Variants in TMEM132D observed in about 807,000 individuals in gnomAD.
The protein encoded by TMEM132D is mature OL transmembrane protein.
A neutral mutation model predicts 62.3 loss-of-function variants in TMEM132D; 21 were observed. That is an observed-to-expected ratio of 0.34 (90% CI 0.24 to 0.49). The LOEUF (loss-of-function observed/expected upper bound fraction) is 0.49. Among genes scored for constraint, TMEM132D ranks in the 20% least tolerant of loss-of-function variants. The probability of loss-of-function intolerance (pLI) is 0.99; values close to 1 mark genes in which losing one functional copy is unlikely to be tolerated. For synonymous variants in TMEM132D, 621 were observed against 575.6 expected (o/e 1.08, Z -1.13); for missense variants, 1,346 against 1,402.8 (o/e 0.96, Z 0.65).
In TMEM132D at chr12:129,417,632, T is replaced by C. The variant is rs185006029; in HGVS notation, c.1116-79815A>G. On this transcript the variant is annotated intron_variant, in intron 3 of 8. Coordinates refer to ENST00000422113, the MANE Select transcript of TMEM132D (RefSeq NM_133448.3). ...AACCTAGGCAATACCATTCAGGACA[T>C]AGGCATGGGCAAAGACTTAACTACT... Among the ~76,000 whole-genome samples the C allele has an allele frequency of 4.3e-4, 65 of 152,242 alleles. No individual in the cohort carries two copies. In the Middle Eastern group the frequency reaches 0.01, roughly 24 times the overall value.
chr12:129,755,391 T>C (rs1416814364), intron 1 of TMEM132D, among the ~76,000 whole-genome samples: 1 of 152,180 alleles, frequency 6.6e-6, no homozygotes, highest in Non-Finnish European at 1.5e-5. Flanking sequence ...TCGAGTAGTA[T>C]GCTTTGACAC....
intron 5 of TMEM132D, among the ~76,000 whole-genome samples, chr12:129,167,767 G>T (rs1349004973): frequency 3.3e-5 from 5 of 151,804 alleles, no homozygotes; most frequent in African/African-American, 1.2e-4. Context: ...ATGGCAGTTT[G>T]CCCAATTGGG....
chr12:129,746,093 G>T (rs1295445868), intron 1 of TMEM132D, among the ~76,000 whole-genome samples: 1 of 152,192 alleles, frequency 6.6e-6, no homozygotes, highest in East Asian at 1.9e-4. Context: ...AAAAGCCAAT[G>T]AATCCACTTT....
In TMEM132D at chr12:129,884,678, T is replaced by C. The variant is rs115422348; in HGVS notation, c.79+18583A>G. On this transcript the variant is annotated intron_variant, in intron 1 of 8. Transcript: ENST00000422113. ...ACACATTGCTGGCAGAAATGCCAAA[T>C]GGTTCAACCATTTTGCAAAATAGTT... 2.1e-3 allele frequency among the ~76,000 whole-genome samples: 314 copies of C among 152,370 alleles called. 2 individuals are homozygous for C. The highest frequency in any genetic ancestry group is 7.1e-3 in the African/African-American group (295 of 41,594).
chr12:129,358,382 G>C (rs1870141378), intron 3 of TMEM132D, among the ~76,000 whole-genome samples: 1 of 152,146 alleles, frequency 6.6e-6, no homozygotes, highest in Non-Finnish European at 1.5e-5. Context: ...AAGATCAGGT[G>C]GTGGCCTGGG....
chr12:129,456,455 C>T (rs1873470349), intron 3 of TMEM132D, among the ~76,000 whole-genome samples: 2 of 152,260 alleles, frequency 1.3e-5, no homozygotes, highest in South Asian at 2.1e-4. Context: ...CATTGACCAA[C>T]CCAAATATCT....
intron 3 of TMEM132D, among the ~76,000 whole-genome samples, chr12:129,476,573 C>T (rs922437793): frequency 2.0e-5 from 3 of 152,154 alleles, no homozygotes; most frequent in Non-Finnish European, 4.4e-5. Context: ...GGGATGGCCC[C>T]TAATGCCCAA....
At chr12:129,683,118 A>G (rs1880825523) in intron 2 of TMEM132D, 1 of 151,670 alleles carries the variant, frequency 6.6e-6, no homozygotes, top group African/African-American at 2.4e-5. Flanking sequence ...TAGCTCAGTC[A>G]CTTTAGTGCT....
At chr12:129,739,435 C>A (rs536085780) in intron 1 of TMEM132D, among the ~76,000 whole-genome samples, 1 of 152,268 alleles carries the variant, frequency 6.6e-6, no homozygotes, top group South Asian at 2.1e-4. Context: ...CCAGGCAAGA[C>A]AAGAACAGAT....
At chr12:129,685,610 CCA>C (rs1204188805) in intron 2 of TMEM132D, among the ~76,000 whole-genome samples, 1 of 152,304 alleles carries the variant, frequency 6.6e-6, no homozygotes, top group Non-Finnish European at 1.5e-5. Flanking sequence ...GTTGAAGCCC[CCA>C]CACAGAGTCC....
chr12:129,137,165 ACCAT>A lies in TMEM132D; in HGVS notation c.1444-52467_1444-52464del, dbSNP rs932645432. On this transcript the variant is annotated intron_variant, in intron 5 of 8. Coordinates refer to ENST00000422113, the MANE Select transcript of TMEM132D (RefSeq NM_133448.3). ...TATCATTGTCATCACTATCACAATC[ACCAT>A]CATCATCACCACCATCATCACAATC... 6.6e-5 allele frequency among the ~76,000 whole-genome samples: 10 copies of A among 151,834 alleles called. No homozygotes were observed. The East Asian group carries it at 2.0e-3, about 30-fold the overall frequency.
chr12:129,873,741 GTTT>G (rs1874328257), intron 1 of TMEM132D, among the ~76,000 whole-genome samples: 1 of 151,712 alleles, frequency 6.6e-6, no homozygotes, highest in Non-Finnish European at 1.5e-5. Context: ...TATGCCCTTT[GTTT>G]TCATTTTTCA....
intron 1 of TMEM132D, among the ~76,000 whole-genome samples, chr12:129,873,741 GTTTTCAT>G (rs3046913): frequency 0.9 from 137,057 of 151,786 alleles, 63,470 homozygotes; most frequent in East Asian, 1. Context: ...TATGCCCTTT[GTTTTCAT>G]TTTTCATTTT....
intron 4 of TMEM132D, among the ~76,000 whole-genome samples, chr12:129,218,388 C>T (rs978536324): frequency 5.3e-5 from 8 of 152,182 alleles, no homozygotes; most frequent in African/African-American, 1.9e-4. Context: ...GCAGAGCATA[C>T]TACACACCTG....
chr12:129,229,011 G>A (rs771291566), intron 4 of TMEM132D, among the ~76,000 whole-genome samples: 5 of 152,260 alleles, frequency 3.3e-5, no homozygotes, highest in East Asian at 1.9e-4. Context: ...CAGAGCTGAC[G>A]TCTCCATTGA....
chr12:129,201,424 G>T (rs1183290836), intron 5 of TMEM132D, among the ~76,000 whole-genome samples: 1 of 152,132 alleles, frequency 6.6e-6, no homozygotes, highest in African/African-American at 2.4e-5. Context: ...AGAGTCCACT[G>T]CCCTTCTCTG....
chr12:129,520,705 C>T (rs747967145), intron 3 of TMEM132D, among the ~76,000 whole-genome samples: 23 of 152,154 alleles, frequency 1.5e-4, no homozygotes, highest in Non-Finnish European at 2.2e-4. Context: ...TCAAGGCACG[C>T]CACGATTAAG....
In TMEM132D at chr12:129,217,343, C is replaced by T. The variant is rs886945381; in HGVS notation, c.1300-7680G>A. On this transcript the variant is annotated intron_variant, in intron 4 of 8. Transcript: ENST00000422113. ...ACATGTTCTCACTTATAAGTGTGAGCTAAATGTTGAGAACACATGGACACA... is the reference window on the plus strand; with the variant it reads ...ACATGTTCTCACTTATAAGTGTGAGTTAAATGTTGAGAACACATGGACACA... Among the ~76,000 whole-genome samples, 5 of 152,180 alleles carry T rather than the reference C, an allele frequency of 3.3e-5. No individual in the cohort carries two copies. In the South Asian group the frequency reaches 8.3e-4, roughly 25 times the overall value.
chr12:129,683,042 C>T (rs1031696077), intron 2 of TMEM132D: 1 of 151,892 alleles, frequency 6.6e-6, no homozygotes, highest in Admixed American at 6.6e-5. Context: ...GCTTTATTCA[C>T]TGGTAATCCC....
Sources: allele counts gnomAD v4.1 joint callset (sites outside exome capture counted in the v4.1 genomes callset), GRCh38; gene constraint gnomAD v4.1.1; transcripts MANE v1.5; gene names NCBI Gene and HGNC (gene_info 2026-07-23, HGNC 2026-07-21).